The following EPS8 variants were observed in gnomAD, a reference collection of about 807,000 sequenced individuals.
EPS8 encodes epidermal growth factor receptor kinase substrate 8.
In EPS8, 42 loss-of-function variants were observed where a neutral mutation model predicts 103.8. That is an observed-to-expected ratio of 0.40 (90% CI 0.32 to 0.52). EPS8 has a LOEUF of 0.52. Ranked by LOEUF, EPS8 falls within the 20% of genes least tolerant of loss-of-function variation. The pLI is 0.40. For synonymous variants in EPS8, 344 were observed against 344.6 expected, an observed-to-expected ratio of 1.00 and a Z score of 0.02; for missense variants, 969 against 1,005.1, an observed-to-expected ratio of 0.96 and a Z score of 0.49.
At position 15,684,653 on chromosome 12, in the gene EPS8, T is replaced by C. The variant is rs1288761737; in HGVS notation, c.-21-1681A>G. Among the ~76,000 whole-genome samples the C allele has an allele frequency of 6.6e-6, 1 of 152,206 alleles. No homozygotes were observed. Among genetic ancestry groups the C allele is most frequent in the African/African-American group, 2.4e-5 (1 of 41,452 alleles). ...AACATATGTAGCTCTATTTTAAATC[T>C]GCTAGAAGTTCGGAGAGGGAAAAGG... On this transcript the variant is annotated intron_variant, in intron 1 of 20. Transcript: ENST00000281172. This position sits in a 1 kb window ranked among gnomAD's most constrained non-coding sequence, Gnocchi z 4.9.
At chr12:15,657,775 G>T in intron 12 of EPS8, 1 of 244,036 alleles carries the variant, frequency 4.1e-6, no homozygotes, top group South Asian at 5.7e-5. Context: ...GTTATTCAAG[G>T]CACTGGATAT....
intron 1 of EPS8, among the ~76,000 whole-genome samples, chr12:15,788,368 C>T (rs760872996): frequency 1.3e-5 from 2 of 152,124 alleles, no homozygotes; most frequent in Admixed American, 6.5e-5. Flanking sequence ...CGGCGTCCTG[C>T]CCCCCGCGAG....
intron 1 of EPS8, among the ~76,000 whole-genome samples, chr12:15,753,597 T>C (rs1946955705): frequency 6.6e-6 from 1 of 152,194 alleles, no homozygotes; most frequent in South Asian, 2.1e-4. Context: ...CTTATGTATG[T>C]TACAAAGTGG....
At chr12:15,720,088 T>G (rs372142003) in intron 1 of EPS8, among the ~76,000 whole-genome samples, 1 of 152,228 alleles carries the variant, frequency 6.6e-6, no homozygotes, top group Admixed American at 6.5e-5. Flanking sequence ...ACTTTAAGGC[T>G]ATACAACTTT....
At position 15,731,036 on chromosome 12, in the gene EPS8, TG is replaced by T. The variant is rs113940711; in HGVS notation, c.-21-48065del. On this transcript the variant is annotated intron_variant, in intron 1 of 20. Coordinates refer to ENST00000281172, the MANE Select transcript of EPS8 (RefSeq NM_004447.6). This position sits in a 1 kb window ranked among gnomAD's most constrained non-coding sequence, Gnocchi z 5.1. ...ATATCCCATTTACTTATTTCAGAAATGCCTCTTGTGCAAAAAGTTCAGTCAA... is the reference window on the plus strand; with the variant it reads ...ATATCCCATTTACTTATTTCAGAAATCCTCTTGTGCAAAAAGTTCAGTCAA... Among the ~76,000 whole-genome samples, 1,861 of 152,288 alleles carry T rather than the reference TG, an allele frequency of 0.012. 30 individuals carry two copies. The highest frequency in any genetic ancestry group is 0.037 in the African/African-American group (1,535 of 41,554).
rs1947209019 is a variant in EPS8, at chr12:15,776,613, C to T, written c.-22+12548G>A. 6.6e-6 allele frequency among the ~76,000 whole-genome samples: 1 copy of T among 152,182 alleles called. No individual in the cohort carries two copies. The highest frequency in any genetic ancestry group is 1.5e-5 in the Non-Finnish European group (1 of 68,028). ...AGAATAGGAATTTCCACATTCAGAA[C>T]TGTCTTTTATTTTGCAGTTATTTAT... On this transcript the variant is annotated intron_variant, in intron 1 of 20. Coordinates refer to ENST00000281172, the MANE Select transcript of EPS8 (RefSeq NM_004447.6). This position sits in a 1 kb window ranked among gnomAD's most constrained non-coding sequence, Gnocchi z 4.2.
chr12:15,646,420 A>T (rs1433797766), intron 15 of EPS8, among the ~76,000 whole-genome samples: 1 of 152,150 alleles, frequency 6.6e-6, no homozygotes, highest in African/African-American at 2.4e-5. Flanking sequence ...CTTCTCCTAT[A>T]ACCGTGTTAC....
chr12:15,656,414 A>G (rs1214359503), intron 12 of EPS8, among the ~76,000 whole-genome samples: 1 of 152,170 alleles, frequency 6.6e-6, no homozygotes, highest in Non-Finnish European at 1.5e-5. Context: ...GAGCATTCAT[A>G]AGTTATTGAT....
intron 1 of EPS8, among the ~76,000 whole-genome samples, chr12:15,705,319 T>C (rs1946370766): frequency 6.6e-6 from 1 of 152,226 alleles, no homozygotes. Flanking sequence ...TATTCAATGA[T>C]TTGTAATAGA....
chr12:15,742,444 T>C (rs1447121226), intron 1 of EPS8, among the ~76,000 whole-genome samples: 1 of 152,090 alleles, frequency 6.6e-6, no homozygotes, highest in Non-Finnish European at 1.5e-5. Flanking sequence ...TGGTTTTAAT[T>C]TGCATTTCAA....
intron 8 of EPS8, chr12:15,662,590 A>C (rs1459848822): frequency 1.0e-6 from 1 of 985,758 alleles, no homozygotes; most frequent in Non-Finnish European, 1.2e-6. Flanking sequence ...AATTAAGCTT[A>C]AAACCCACAA....
chr12:15,780,612 G>C lies in EPS8; in HGVS notation c.-22+8549C>G, dbSNP rs1947251688. The C allele has an allele frequency of 6.6e-6, 1 of 151,526 alleles. No individual in the cohort carries two copies. The highest frequency in any genetic ancestry group is 6.6e-5 in the Admixed American group (1 of 15,160). The allele number at this position is 151,526 out of a possible 1,614,324, so 9.4% of individuals were successfully genotyped here. ...TCCACCTCTTTGATAAGAAAACCAA[G>C]GCAGATAAGGTCTGATTCCAAAGTC... On this transcript the variant is annotated intron_variant, in intron 1 of 20. Transcript: ENST00000281172. This position sits in a 1 kb window ranked among gnomAD's most constrained non-coding sequence, Gnocchi z 4.1.
Position 15,695,470 on chromosome 12 carries a change from G to A in EPS8, c.-21-12498C>T, listed in dbSNP as rs1471314650. Among the ~76,000 whole-genome samples the A allele has an allele frequency of 6.6e-6, 1 of 152,200 alleles. No individual in the cohort carries two copies. The highest frequency in any genetic ancestry group is 2.4e-5 in the African/African-American group (1 of 41,434). ...AATACAGTAGCTGAGCACAAGTGTT[G>A]AGCACTTGAAATGTGGCTAGTGCCA... is the stretch of plus-strand genomic sequence containing the variant. On this transcript the variant is annotated intron_variant, in intron 1 of 20. Coordinates refer to ENST00000281172, the MANE Select transcript of EPS8 (RefSeq NM_004447.6). The surrounding 1 kb of genome is among the most constrained non-coding windows in gnomAD (Gnocchi z 5.0).
intron 3 of EPS8, among the ~76,000 whole-genome samples, chr12:15,674,463 G>C (rs1485092588): frequency 1.3e-5 from 2 of 152,162 alleles, no homozygotes; most frequent in Non-Finnish European, 2.9e-5. Flanking sequence ...CCATAGGGGA[G>C]AGGTGCTTAA....
chr12:15,625,906 C>G (rs1944936676), intron 18 of EPS8, among the ~76,000 whole-genome samples: 1 of 152,220 alleles, frequency 6.6e-6, no homozygotes, highest in Non-Finnish European at 1.5e-5. Flanking sequence ...AGTCCTCTTA[C>G]TCGGAACTTG....
At chr12:15,628,229 A>G (rs1403876778) in intron 18 of EPS8, among the ~76,000 whole-genome samples, 3 of 152,166 alleles carry the variant, frequency 2.0e-5, no homozygotes, top group African/African-American at 4.8e-5. Flanking sequence ...CAAACAGCAT[A>G]TGAGTGCATC....
intron 14 of EPS8, among the ~76,000 whole-genome samples, chr12:15,648,873 C>T (rs1159720510): frequency 1.3e-5 from 2 of 152,164 alleles, no homozygotes; most frequent in Non-Finnish European, 2.9e-5. Context: ...TCCAAGTCAC[C>T]TATGTCTTTC....
At chr12:15,770,547 T>C (rs1396028922) in intron 1 of EPS8, among the ~76,000 whole-genome samples, 1 of 152,042 alleles carries the variant, frequency 6.6e-6, no homozygotes, top group African/African-American at 2.4e-5. Context: ...ACTGAAAAAA[T>C]ATCATCTTTG....
Position 15,789,153 on chromosome 12 carries a change from G to T in EPS8, c.-22+8C>A, listed in dbSNP as rs1947341966. The stretch of plus-strand genomic sequence containing the variant: ...CGGGACCGGCGCCTTTCGCCAAGGG[G>T]CTCTTACCTCGGATCCGCCCTCGGG... On this transcript the variant is annotated splice_region_variant and intron_variant, in intron 1 of 20. Coordinates refer to ENST00000281172, the MANE Select transcript of EPS8 (RefSeq NM_004447.6). This position sits in a 1 kb window ranked among gnomAD's most constrained non-coding sequence, Gnocchi z 6.1. The T allele has an allele frequency of 6.6e-6, 1 of 152,336 alleles. No individual in the cohort carries two copies. The highest frequency in any genetic ancestry group is 1.9e-4 in the East Asian group (1 of 5,160). 9.4% of individuals were successfully genotyped at this position (152,336 alleles called of 1,614,324 possible).
Sources: gnomAD v4.1 joint callset for allele counts (sites outside exome capture counted in the v4.1 genomes callset) on GRCh38, gnomAD v4.1.1 for gene constraint, Gnocchi (gnomAD v3.1) non-coding constraint, MANE v1.5 for transcripts, NCBI Gene and HGNC (gene_info 2026-07-23, HGNC 2026-07-21) for gene names.